SANBR: variants seen among roughly 807,000 people sequenced by gnomAD.
The protein encoded by SANBR is SANT and BTB domain regulator of CSR, also known as SANT and BTB domain regulator of class switch recombination.
SANBR carries 77 observed loss-of-function variants against 101.8 expected under a neutral mutation model. The observed-to-expected ratio is 0.76, with a 90% CI of 0.63 to 0.91. SANBR has a LOEUF of 0.91. Among genes scored for constraint, SANBR ranks in the 40% least tolerant of loss-of-function variants. SANBR has a pLI of 0.00. For synonymous variants in SANBR, 279 were observed against 274.7 expected (o/e 1.02, Z -0.15); for missense variants, 875 against 853.0 (o/e 1.03, Z -0.32).
At chr2:61,136,790 T>C (rs1425429762) in intron 21 of SANBR, among the ~76,000 whole-genome samples, 1 of 151,318 alleles carries the variant, frequency 6.6e-6, no homozygotes, top group Admixed American at 6.6e-5. Context: ...GCCAAGATGG[T>C]GAAACCCTGC....
intron 10 of SANBR, among the ~76,000 whole-genome samples, chr2:61,090,211 C>G (rs1682666161): frequency 6.6e-6 from 1 of 152,122 alleles, no homozygotes; most frequent in African/African-American, 2.4e-5. Flanking sequence ...TTCACTAAAA[C>G]ATTAATTGTG....
intron 20 of SANBR, among the ~76,000 whole-genome samples, chr2:61,133,332 T>C (rs1684745529): frequency 6.6e-6 from 1 of 151,804 alleles, no homozygotes; most frequent in African/African-American, 2.4e-5. Flanking sequence ...GGATGTGTGG[T>C]TTTTGTTTGG....
downstream of SANBR, among the ~76,000 whole-genome samples, chr2:61,125,560 G>T (rs377531652): frequency 6.6e-6 from 1 of 152,210 alleles, no homozygotes; most frequent in South Asian, 2.1e-4. Context: ...GGCTTCAACT[G>T]AAGGACAGTA....
chr2:61,073,417 C>G, intron 4 of SANBR, 41 bp from the exon 5 acceptor site: 1 of 1,014,460 alleles, frequency 9.9e-7, no homozygotes, highest in South Asian at 1.6e-5. Context: ...ACACTAACCC[C>G]CACCTTTTTT....
rs748624701 is a variant in SANBR, at chr2:61,070,500, G to A, written c.150G>A (p.Glu50=). 1 of 1,601,504 alleles carries A rather than the reference G, an allele frequency of 6.2e-7. No individual in the cohort carries two copies. Among genetic ancestry groups the A allele is most frequent in the East Asian group, 2.3e-5 (1 of 43,768 alleles). ...ARLVPGLTPK[E]CAKRFDELKS... ...TCGTGCCTGGATTAACACCAAAAGA[G>A]GTAAATAACAGTCCCCCCAGAATAT... The change falls in exon 3 of 22, where the codon GAG becomes GAA. Residue 50 remains glutamate (E), a splice_region_variant and synonymous_variant. Coordinates refer to ENST00000402291, the MANE Select transcript of SANBR (RefSeq NM_001129993.3).
intron 20 of SANBR, among the ~76,000 whole-genome samples, chr2:61,130,513 C>G (rs937372594): frequency 3.9e-5 from 6 of 152,062 alleles, no homozygotes; most frequent in Admixed American, 6.6e-5. Flanking sequence ...TGCAAAAATC[C>G]TCAACATACG....
chr2:61,103,231 A>T (rs1216064265), intron 12 of SANBR, among the ~76,000 whole-genome samples: 1 of 149,920 alleles, frequency 6.7e-6, no homozygotes, highest in Non-Finnish European at 1.5e-5. Context: ...GACCTCCCTG[A>T]GCTGAAGTGA....
At chr2:61,128,643 C>T (rs1374420718), downstream of SANBR, among the ~76,000 whole-genome samples, 1 of 152,080 alleles carries the variant, frequency 6.6e-6, no homozygotes, top group Non-Finnish European at 1.5e-5. Flanking sequence ...CAGGCACCTG[C>T]CACTATGCCC....
chr2:61,113,643 T>C (rs1406223063), intron 16 of SANBR, among the ~76,000 whole-genome samples: 2 of 152,188 alleles, frequency 1.3e-5, no homozygotes, highest in African/African-American at 2.4e-5. Context: ...CAAAATACAA[T>C]TGATGTTTGT....
At chr2:61,134,228 G>A (rs774652582) in exon 21 of SANBR, 37 of 1,600,522 alleles carry the variant, frequency 2.3e-5, no homozygotes, top group Non-Finnish European at 3.1e-5. Context: ...GTGTTGCTGT[G>A]TTAAACGAAT....
At chr2:61,107,028 G>C (rs775410798) in intron 14 of SANBR, among the ~76,000 whole-genome samples, 2 of 152,006 alleles carry the variant, frequency 1.3e-5, no homozygotes, top group Non-Finnish European at 2.9e-5. Context: ...TTAGCCAAGT[G>C]TGGTGCCTTG....
At chr2:61,084,713 TTTG>T (rs1310895044) in intron 8 of SANBR, among the ~76,000 whole-genome samples, 1 of 152,064 alleles carries the variant, frequency 6.6e-6, no homozygotes, top group Non-Finnish European at 1.5e-5. Flanking sequence ...CGTGATCTGA[TTTG>T]TTGTTAAGAG....
chr2:61,108,254 C>A, intron 14 of SANBR, 63 bp from the exon 15 acceptor site: 1 of 1,035,712 alleles, frequency 9.7e-7, no homozygotes, highest in Non-Finnish European at 1.4e-6. Flanking sequence ...GTATCTATAT[C>A]AAAATAAGGA....
At chr2:61,117,640 TA>T in intron 19 of SANBR, 100 bp downstream of exon 19, 1 of 1,100,588 alleles carries the variant, frequency 9.1e-7, no homozygotes, top group Non-Finnish European at 1.3e-6. Flanking sequence ...CTAGAGTTTC[TA>T]GCTAAAGTAA....
At chr2:61,075,695 A>G (rs1573590109) in intron 5 of SANBR, among the ~76,000 whole-genome samples, 1 of 152,050 alleles carries the variant, frequency 6.6e-6, no homozygotes, top group Non-Finnish European at 1.5e-5. Context: ...AATGCTTTTA[A>G]CTACATTTAT....
intron 8 of SANBR, among the ~76,000 whole-genome samples, chr2:61,085,791 G>C (rs1445904988): frequency 2.6e-5 from 4 of 151,900 alleles, no homozygotes; most frequent in African/African-American, 9.7e-5. Context: ...GATTACAGAC[G>C]TGAGCCACCA....
chr2:61,071,777 G>T lies in SANBR; in HGVS notation c.322G>T (p.Ala108Ser), dbSNP rs1158096151. ...TCAGGAGACTCCAGTTGGACATGAT[G>T]CAGTTTCCAAAACTGGTAAGGTTTT... ...EFQETPVGHD[A>S]VSKTGRHSIA... The change falls in exon 4 of 22, where the codon GCA (alanine) becomes TCA (serine). Residue 108 changes from alanine to serine, a missense_variant. Transcript: ENST00000402291. The T allele has an allele frequency of 1.3e-6, 2 of 1,598,002 alleles. No homozygotes were observed. Among genetic ancestry groups the T allele is most frequent in the South Asian group, 2.3e-5 (2 of 87,282 alleles).
At chr2:61,111,104 C>A (rs968435579) in intron 16 of SANBR, among the ~76,000 whole-genome samples, 3 of 151,988 alleles carry the variant, frequency 2.0e-5, no homozygotes, top group African/African-American at 7.3e-5. Flanking sequence ...ATTGAAAAAA[C>A]ATGCTGCAGC....
intron 20 of SANBR, among the ~76,000 whole-genome samples, chr2:61,118,497 T>G (rs1684184778): frequency 2.0e-5 from 3 of 149,194 alleles, no homozygotes; most frequent in Admixed American, 2.0e-4. Flanking sequence ...CACTTTGGCC[T>G]CCCAAAGTGC....
Sources: gnomAD v4.1 joint callset for allele counts (sites outside exome capture counted in the v4.1 genomes callset) on GRCh38, gnomAD v4.1.1 for gene constraint, MANE v1.5 for transcripts, NCBI Gene and HGNC (gene_info 2026-07-23, HGNC 2026-07-21) for gene names.